The following MAP2K5 variants were observed in gnomAD, a reference collection of about 807,000 sequenced individuals.
MAP2K5 encodes the protein mitogen-activated protein kinase kinase 5.
Under a neutral mutation model 83.1 loss-of-function variants are expected in MAP2K5, and 49 were observed. That is an observed-to-expected ratio of 0.59 (90% CI 0.47 to 0.75). The LOEUF (loss-of-function observed/expected upper bound fraction) is 0.75, where lower values mean the gene tolerates loss of function less well. MAP2K5 is among the 30% of genes least tolerant of loss of function. The pLI, the probability that MAP2K5 is intolerant of heterozygous loss-of-function variation, is 0.00. For synonymous variants in MAP2K5, 202 were observed against 191.8 expected (o/e 1.05, Z -0.44); for missense variants, 457 against 557.5 (o/e 0.82, Z 1.82).
At chr15:67,700,659 A>G (rs753557910) in intron 15 of MAP2K5, among the ~76,000 whole-genome samples, 1 of 152,148 alleles carries the variant, frequency 6.6e-6, no homozygotes, top group Non-Finnish European at 1.5e-5. Flanking sequence ...TTTGCTGCTC[A>G]TCTTGTGTCT....
chr15:67,776,447 T>C (rs2090240649), intron 21 of MAP2K5, among the ~76,000 whole-genome samples: 1 of 152,012 alleles, frequency 6.6e-6, no homozygotes, highest in Non-Finnish European at 1.5e-5. Context: ...CCATGGCTTA[T>C]GTGGGAAAAA....
At chr15:67,549,980 T>C (rs2084474930) in intron 1 of MAP2K5, 54 bp from the exon 2 acceptor site, 2 of 1,316,634 alleles carry the variant, frequency 1.5e-6, no homozygotes, top group Non-Finnish European at 1.1e-6. Flanking sequence ...ATTTGCCACA[T>C]GTTAGCAATA....
intron 2 of MAP2K5, among the ~76,000 whole-genome samples, chr15:67,554,651 C>T (rs2084587742): frequency 6.6e-6 from 1 of 152,144 alleles, no homozygotes; most frequent in Non-Finnish European, 1.5e-5. Flanking sequence ...CAGGGAACCC[C>T]TTCAACCTGC....
At chr15:67,695,790 G>A (rs927629691) in intron 15 of MAP2K5, among the ~76,000 whole-genome samples, 2 of 152,314 alleles carry the variant, frequency 1.3e-5, no homozygotes, top group East Asian at 3.9e-4. Flanking sequence ...TGAATGTGAT[G>A]CATCCATCTG....
rs961722312 is a variant in MAP2K5, at chr15:67,543,130, C to A, written c.-206C>A. 1 of 593,796 alleles carries A rather than the reference C, an allele frequency of 1.7e-6. No individual in the cohort carries two copies. The highest frequency in any genetic ancestry group is 3.0e-6 in the Non-Finnish European group (1 of 332,784). The allele number at this position is 593,796 out of a possible 1,614,324, so 36.8% of individuals were successfully genotyped here. On this transcript the variant is annotated 5_prime_UTR_variant, in exon 1 of 22. Coordinates refer to ENST00000178640, the MANE Select transcript of MAP2K5 (RefSeq NM_145160.3). This position sits in a 1 kb window ranked among gnomAD's most constrained non-coding sequence, Gnocchi z 4.3. ...GGTGCACCCTCCCCGGGAGACACCT[C>A]AGACCCCCGACAGCCTGGGCAGGCT... is the stretch of plus-strand genomic sequence containing the variant.
chr15:67,752,819 T>A (rs2089751899), intron 19 of MAP2K5, among the ~76,000 whole-genome samples: 1 of 152,020 alleles, frequency 6.6e-6, no homozygotes, highest in South Asian at 2.1e-4. Context: ...CCCAGTAGGC[T>A]TTTTTGCAGA....
intron 21 of MAP2K5, among the ~76,000 whole-genome samples, chr15:67,804,896 G>A (rs1246267304): frequency 6.6e-6 from 1 of 152,178 alleles, no homozygotes; most frequent in Non-Finnish European, 1.5e-5. Context: ...ATATATATGG[G>A]GAGGAGAACA....
chr15:67,707,710 G>A (rs745415721), intron 16 of MAP2K5, among the ~76,000 whole-genome samples: 6 of 152,136 alleles, frequency 3.9e-5, no homozygotes, highest in Non-Finnish European at 8.8e-5. Context: ...TTCACACAAA[G>A]GAATTGACAT....
intron 21 of MAP2K5, 41 bp from the exon 22 acceptor site, chr15:67,806,605 T>A: frequency 6.6e-7 from 1 of 1,519,630 alleles, no homozygotes; most frequent in Non-Finnish European, 8.9e-7. Flanking sequence ...AGCGCGGGAG[T>A]CCGAGGACTG....
At chr15:67,657,096 A>G (rs1311137818) in intron 11 of MAP2K5, among the ~76,000 whole-genome samples, 1 of 152,198 alleles carries the variant, frequency 6.6e-6, no homozygotes, top group Non-Finnish European at 1.5e-5. Flanking sequence ...AGCGGGTCTA[A>G]CTGAGGTTAA....
Position 67,677,724 on chromosome 15 carries a change from A to G in MAP2K5, c.847+13079A>G, listed in dbSNP as rs2087714553. 6.6e-6 allele frequency among the ~76,000 whole-genome samples: 1 copy of G among 152,204 alleles called. No individual in the cohort carries two copies. Among genetic ancestry groups the G allele is most frequent in the Admixed American group, 6.5e-5 (1 of 15,274 alleles). ...ACCAGAATATGTACACATCACAGGT[A>G]GGAATCTAAGATTCACCACTTTAGA... On this transcript the variant is annotated intron_variant, in intron 13 of 21. Transcript: ENST00000178640. The surrounding 1 kb of genome is among the most constrained non-coding windows in gnomAD (Gnocchi z 4.2).
intron 17 of MAP2K5, among the ~76,000 whole-genome samples, chr15:67,740,571 C>T (rs998715326): frequency 8.6e-5 from 13 of 151,736 alleles, no homozygotes; most frequent in Non-Finnish European, 1.6e-4. Flanking sequence ...CCATCTTGAG[C>T]AATAGAGTGA....
intron 9 of MAP2K5, among the ~76,000 whole-genome samples, chr15:67,642,004 C>G (rs913826449): frequency 6.6e-6 from 1 of 152,150 alleles, no homozygotes; most frequent in African/African-American, 2.4e-5. Context: ...CTCTCAAGTT[C>G]TCAGAAATTA....
At chr15:67,642,380 C>T (rs941908631) in intron 9 of MAP2K5, 112 of 1,560,890 alleles carry the variant, frequency 7.2e-5, no homozygotes, top group East Asian at 2.8e-4. Context: ...CCTTGAGAGG[C>T]GCATAGCCAC....
Position 67,652,616 on chromosome 15 carries a change from A to T in MAP2K5, c.737-5937A>T, listed in dbSNP as rs2086979879. ...CCCCATCTTCAACATTGGGAGTGAG[A>T]TTTCAACATGAGTTTTGAAGGGGAC... On this transcript the variant is annotated intron_variant, in intron 11 of 21. Transcript: ENST00000178640. This position sits in a 1 kb window ranked among gnomAD's most constrained non-coding sequence, Gnocchi z 4.2. Among the ~76,000 whole-genome samples, 1 of 152,208 alleles carries T rather than the reference A, an allele frequency of 6.6e-6. No individual in the cohort carries two copies. The highest frequency in any genetic ancestry group is 6.6e-5 in the Admixed American group (1 of 15,266).
Position 67,590,442 on chromosome 15 carries a change from C to CTCT in MAP2K5, c.432-2484_432-2483insTCT, listed in dbSNP as rs2085377738. The stretch of plus-strand genomic sequence containing the variant: ...CCCTCCCTCCCTCTCTCTCTCCCTC[C>CTCT]CTCCCTCTCTCTCTCTCTCTCTCTC... On this transcript the variant is annotated intron_variant, in intron 6 of 21. Coordinates refer to ENST00000178640, the MANE Select transcript of MAP2K5 (RefSeq NM_145160.3). Among the ~76,000 whole-genome samples the CTCT allele has an allele frequency of 3.4e-4, 2 of 5,824 alleles. 1 individual carries two copies. The highest frequency in any genetic ancestry group is 7.6e-4 in the African/African-American group (2 of 2,644). 3.8% of individuals were successfully genotyped at this position (5,824 alleles called of 152,430 possible). A position where few individuals can be genotyped will look rare whatever the true frequency, so the allele number is the denominator to read the frequency against.
Position 67,724,050 on chromosome 15 carries a change from G to A in MAP2K5, c.1045-3866G>A, listed in dbSNP as rs2089031736. Among the ~76,000 whole-genome samples, 1 of 152,142 alleles carries A rather than the reference G, an allele frequency of 6.6e-6. No individual in the cohort carries two copies. The highest frequency in any genetic ancestry group is 1.5e-5 in the Non-Finnish European group (1 of 68,026). On this transcript the variant is annotated intron_variant, in intron 16 of 21. Coordinates refer to ENST00000178640, the MANE Select transcript of MAP2K5 (RefSeq NM_145160.3). The surrounding 1 kb of genome is among the most constrained non-coding windows in gnomAD (Gnocchi z 4.4). Reference sequence around the variant, plus strand: ...CAAACCACCCTCTTGAGTGCTGATTGCCTTGCCCGACCCCTAGTGATACAG... The same window carrying A: ...CAAACCACCCTCTTGAGTGCTGATTACCTTGCCCGACCCCTAGTGATACAG...
chr15:67,716,070 G>A (rs570470125), intron 16 of MAP2K5, among the ~76,000 whole-genome samples: 2 of 152,300 alleles, frequency 1.3e-5, no homozygotes, highest in South Asian at 2.1e-4. Flanking sequence ...TATGTGGCAG[G>A]CCCTGTGCTA....
chr15:67,740,852 A>G (rs550657578), intron 17 of MAP2K5, among the ~76,000 whole-genome samples: 1 of 151,370 alleles, frequency 6.6e-6, no homozygotes, highest in African/African-American at 2.4e-5. Context: ...ACATGGCGAA[A>G]CCCCGTCTCT....
Sources: allele counts gnomAD v4.1 joint callset (sites outside exome capture counted in the v4.1 genomes callset), GRCh38; gene constraint gnomAD v4.1.1; non-coding constraint Gnocchi (gnomAD v3.1); transcripts MANE v1.5; gene names NCBI Gene and HGNC (gene_info 2026-07-23, HGNC 2026-07-21).